Variants in ADGRL2 observed in about 807,000 individuals in gnomAD.
ADGRL2 encodes calcium-independent alpha-latrotoxin receptor 2.
A neutral mutation model predicts 157.4 loss-of-function variants in ADGRL2; 44 were observed. That is an observed-to-expected ratio of 0.28 (90% CI 0.22 to 0.36). The LOEUF is 0.36. Ranked by LOEUF, ADGRL2 falls within the 10% of genes least tolerant of loss-of-function variation. ADGRL2 has a pLI of 1.00. For missense variants in ADGRL2, 1,510 were observed against 1,768.9 expected, an observed-to-expected ratio of 0.85 and a Z score of 2.63; for synonymous variants, 585 against 624.7, an observed-to-expected ratio of 0.94 and a Z score of 0.95.
chr1:81,345,660 G>T (rs899988339), intron 1 of ADGRL2, among the ~76,000 whole-genome samples: 1 of 152,108 alleles, frequency 6.6e-6, no homozygotes. Flanking sequence ...AATTGTTTTA[G>T]TCAACTAATC....
chr1:81,673,554 G>A (rs1008876567), intron 3 of ADGRL2, among the ~76,000 whole-genome samples: 22 of 123,802 alleles, frequency 1.8e-4, no homozygotes, highest in South Asian at 1.5e-3. Flanking sequence ...TCACTCTGTC[G>A]CCCAGACTGG....
At chr1:81,621,512 A>G (rs1173363258) in intron 3 of ADGRL2, among the ~76,000 whole-genome samples, 1 of 152,220 alleles carries the variant, frequency 6.6e-6, no homozygotes, top group African/African-American at 2.4e-5. Context: ...GTGGTGCCTA[A>G]GGCCTCAGGG....
At chr1:81,902,147 A>G (rs1557875845) in intron 2 of ADGRL2, among the ~76,000 whole-genome samples, 2 of 152,188 alleles carry the variant, frequency 1.3e-5, no homozygotes, top group African/African-American at 2.4e-5. Flanking sequence ...CAACTGGTTG[A>G]AGGGGTTTGT....
chr1:81,824,948 C>CCTGTCTCTCT (rs2091315887), intron 1 of ADGRL2, among the ~76,000 whole-genome samples: 1 of 127,904 alleles, frequency 7.8e-6, no homozygotes, highest in Non-Finnish European at 1.6e-5. Flanking sequence ...TTTTAATTCT[C>CCTGTCTCTCT]CTCTCTCTCT....
chr1:81,740,826 A>G (rs1212115014), intron 1 of ADGRL2, among the ~76,000 whole-genome samples: 1 of 152,186 alleles, frequency 6.6e-6, no homozygotes, highest in East Asian at 1.9e-4. Context: ...TATGCAATAT[A>G]GCAAAAGAGA....
In ADGRL2 at chr1:81,706,059, C is replaced by T. The variant is rs1432684415; in HGVS notation, c.-143+6251C>T. ...ACTAAAAATACAAAAATTAGCTGGGCGTGGTCATGCACGCCTGTAGTCCCA... is the reference window on the plus strand; with the variant it reads ...ACTAAAAATACAAAAATTAGCTGGGTGTGGTCATGCACGCCTGTAGTCCCA... On this transcript the variant is annotated intron_variant, in intron 1 of 20. Transcript: ENST00000359929. 5.9e-5 allele frequency among the ~76,000 whole-genome samples: 9 copies of T among 152,026 alleles called. No homozygotes were observed. In the South Asian group the frequency reaches 6.3e-4, roughly 11 times the overall value.
intron 2 of ADGRL2, among the ~76,000 whole-genome samples, chr1:81,518,072 C>G (rs1322720983): frequency 6.6e-6 from 1 of 152,204 alleles, no homozygotes; most frequent in African/African-American, 2.4e-5. Flanking sequence ...TTAATTGAGA[C>G]TAGGTTTTTA....
chr1:81,427,863 A>G (rs2077247030), intron 1 of ADGRL2, among the ~76,000 whole-genome samples: 1 of 152,198 alleles, frequency 6.6e-6, no homozygotes, highest in Admixed American at 6.5e-5. Flanking sequence ...AATTACATGT[A>G]TACTCCTGAG....
At chr1:81,675,782 A>T (rs1041162530) in intron 3 of ADGRL2, among the ~76,000 whole-genome samples, 1 of 152,044 alleles carries the variant, frequency 6.6e-6, no homozygotes, top group African/African-American at 2.4e-5. Flanking sequence ...GGGTTTCACC[A>T]TGTTAGCCAG....
chr1:81,736,092 G>A (rs1292081335), intron 1 of ADGRL2, among the ~76,000 whole-genome samples: 11 of 147,164 alleles, frequency 7.5e-5, no homozygotes, highest in South Asian at 4.3e-4. Context: ...GCAGTGAACC[G>A]AGATCACGCC....
intron 1 of ADGRL2, among the ~76,000 whole-genome samples, chr1:81,328,745 A>G (rs1661068342): frequency 6.6e-6 from 1 of 152,036 alleles, no homozygotes; most frequent in Admixed American, 6.6e-5. Context: ...CAATTCCAGT[A>G]TCTTTATCCA....
chr1:81,971,770 T>C, intron 16 of ADGRL2, 82 bp from the exon 17 acceptor site: 1 of 729,938 alleles, frequency 1.4e-6, no homozygotes. Flanking sequence ...TTTTGTCTGT[T>C]AGGTTTTTAA....
chr1:81,373,537 T>C (rs1269657860), intron 1 of ADGRL2, among the ~76,000 whole-genome samples: 1 of 152,204 alleles, frequency 6.6e-6, no homozygotes, highest in Non-Finnish European at 1.5e-5. Flanking sequence ...AGTTTTCCCT[T>C]AGTGATGCTA....
At chr1:81,822,746 G>A (rs997654239) in intron 1 of ADGRL2, among the ~76,000 whole-genome samples, 1 of 152,050 alleles carries the variant, frequency 6.6e-6, no homozygotes, top group African/African-American at 2.4e-5. Flanking sequence ...TTCACATTTT[G>A]AGATAAGTTT....
At chr1:81,760,780 T>C (rs2085854263) in intron 1 of ADGRL2, among the ~76,000 whole-genome samples, 1 of 151,926 alleles carries the variant, frequency 6.6e-6, no homozygotes, top group Admixed American at 6.6e-5. Flanking sequence ...TGATAATCTT[T>C]AGAAATAAAT....
At chr1:81,491,509 A>G (rs2078633223) in intron 2 of ADGRL2, among the ~76,000 whole-genome samples, 1 of 152,206 alleles carries the variant, frequency 6.6e-6, no homozygotes, top group South Asian at 2.1e-4. Context: ...TAATTCTAGA[A>G]TATGAAGCAA....
rs144738129 is a variant in ADGRL2 at position 81,785,938 on chromosome 1, C to G, written c.-101+24086C>G. Among the ~76,000 whole-genome samples, 77 of 151,518 alleles carry G rather than the reference C, an allele frequency of 5.1e-4. 1 individual carries two copies. Among genetic ancestry groups the G allele is most frequent in the African/African-American group, 1.8e-3 (76 of 41,288 alleles). On this transcript the variant is annotated intron_variant, in intron 2 of 20. Transcript: ENST00000359929. ...CCTGGACAAAATAGAGAGACTCTGT[C>G]TCTACAGAAAAAAAAAAATTGGTGG...
intron 1 of ADGRL2, among the ~76,000 whole-genome samples, chr1:81,363,638 G>T (rs537452482): frequency 6.6e-6 from 1 of 152,214 alleles, no homozygotes; most frequent in African/African-American, 2.4e-5. Context: ...GTCCTCCATT[G>T]TGCTGCTGAC....
At chr1:81,594,071 C>T (rs1051607578) in intron 3 of ADGRL2, among the ~76,000 whole-genome samples, 1 of 152,080 alleles carries the variant, frequency 6.6e-6, no homozygotes, top group Non-Finnish European at 1.5e-5. Flanking sequence ...GTATAAGCTT[C>T]CAATTTTTAG....
Sources: gnomAD v4.1 joint callset for allele counts (sites outside exome capture counted in the v4.1 genomes callset) on GRCh38, gnomAD v4.1.1 for gene constraint, MANE v1.5 for transcripts, NCBI Gene and HGNC (gene_info 2026-07-23, HGNC 2026-07-21) for gene names.